Variants in NCAM1 observed in about 807,000 individuals in gnomAD.
NCAM1 encodes the protein antigen recognized by monoclonal antibody 5.1H11.
NCAM1 carries 14 observed loss-of-function variants against 109.8 expected under a neutral mutation model. That is an observed-to-expected ratio of 0.13 (90% CI 0.08 to 0.20). The LOEUF is 0.20. Ranked by LOEUF, NCAM1 falls within the 10% of genes least tolerant of loss-of-function variation. The pLI is 1.00. For missense variants in NCAM1, 774 were observed against 1,109.9 expected (o/e 0.70, Z 4.30); for synonymous variants, 418 against 442.9 (o/e 0.94, Z 0.70).
chr11:113,178,835 A>C (rs1943247676), intron 1 of NCAM1, among the ~76,000 whole-genome samples: 1 of 152,174 alleles, frequency 6.6e-6, no homozygotes, highest in Non-Finnish European at 1.5e-5. Context: ...TTCGAAGGCC[A>C]ACATTCGAAG....
rs147829100 is a variant in NCAM1 at position 113,175,954 on chromosome 11, A to G, written c.53-26425A>G. Among the ~76,000 whole-genome samples the G allele has an allele frequency of 9.8e-4, 150 of 152,334 alleles. 1 individual carries two copies. Among genetic ancestry groups the G allele is most frequent in the African/African-American group, 3.5e-3 (145 of 41,580 alleles). On this transcript the variant is annotated intron_variant, in intron 1 of 19. Coordinates refer to ENST00000316851, the MANE Select transcript of NCAM1 (RefSeq NM_181351.5). ...GGGTGGCAGTTACCCTGATTTGATT[A>G]TGTGAATGTATGAAATCATCGCATG...
chr11:113,109,555 A>G (rs1940345737), intron 1 of NCAM1, among the ~76,000 whole-genome samples: 1 of 152,212 alleles, frequency 6.6e-6, no homozygotes, highest in African/African-American at 2.4e-5. Context: ...TTTTGGACAA[A>G]GTGCTATCTA....
At chr11:113,087,174 G>T (rs1482942839) in intron 1 of NCAM1, among the ~76,000 whole-genome samples, 1 of 152,180 alleles carries the variant, frequency 6.6e-6, no homozygotes, top group Non-Finnish European at 1.5e-5. Flanking sequence ...TAAACTAAAT[G>T]TATAGTTGGT....
Position 113,027,070 on chromosome 11 carries a change from C to T in NCAM1, c.52+65406C>T, listed in dbSNP as rs1242278167. Among the ~76,000 whole-genome samples the T allele has an allele frequency of 3.3e-5, 5 of 152,190 alleles. No individual in the cohort carries two copies. In the South Asian group the frequency reaches 1.0e-3, roughly 32 times the overall value. On this transcript the variant is annotated intron_variant, in intron 1 of 19. Transcript: ENST00000316851. ...CCCTCACTGCTTTTTCCTCCTACAT[C>T]CCAGGACCTGGGATCACCTTGAGAT...
At chr11:113,169,168 T>C (rs191252845) in intron 1 of NCAM1, among the ~76,000 whole-genome samples, 526 of 152,162 alleles carry the variant, frequency 3.5e-3, no homozygotes, top group African/African-American at 0.012. Flanking sequence ...ACCTAGCTGA[T>C]AGCAACCATA....
intron 1 of NCAM1, among the ~76,000 whole-genome samples, chr11:113,119,014 G>A (rs1160462396): frequency 6.6e-6 from 1 of 151,908 alleles, no homozygotes; most frequent in Non-Finnish European, 1.5e-5. Flanking sequence ...AACATTAAAA[G>A]ATTTCTCTTT....
chr11:113,132,112 C>T (rs1024295071), intron 1 of NCAM1, among the ~76,000 whole-genome samples: 6 of 152,180 alleles, frequency 3.9e-5, no homozygotes, highest in Non-Finnish European at 8.8e-5. Flanking sequence ...TTGCAGTCCT[C>T]TGTGTGGACA....
intron 9 of NCAM1, among the ~76,000 whole-genome samples, chr11:113,225,090 T>C (rs1161598016): frequency 6.6e-6 from 1 of 152,190 alleles, no homozygotes; most frequent in African/African-American, 2.4e-5. Flanking sequence ...GGAGAATGAC[T>C]TTGATGAGTT....
intron 9 of NCAM1, among the ~76,000 whole-genome samples, chr11:113,225,329 A>G (rs558877462): frequency 6.6e-6 from 1 of 152,384 alleles, no homozygotes; most frequent in African/African-American, 2.4e-5. Context: ...AAGAAAGGGT[A>G]TCTTGATGGA....
At chr11:112,983,230 G>A (rs1555069046) in intron 1 of NCAM1, among the ~76,000 whole-genome samples, 1 of 151,804 alleles carries the variant, frequency 6.6e-6, no homozygotes, top group Non-Finnish European at 1.5e-5. Flanking sequence ...ATTTCTTGTT[G>A]GGGTTTTTAT....
chr11:113,031,912 A>G (rs1416344815), intron 1 of NCAM1, among the ~76,000 whole-genome samples: 1 of 152,070 alleles, frequency 6.6e-6, no homozygotes, highest in Non-Finnish European at 1.5e-5. Context: ...GAATGACTTT[A>G]TTACTGTATT....
At chr11:113,199,829 T>TGGAAAAAAAAAAAAAAAAAA (rs60389510) in intron 1 of NCAM1, among the ~76,000 whole-genome samples, 1 of 115,766 alleles carries the variant, frequency 8.6e-6, no homozygotes, top group African/African-American at 3.4e-5. Flanking sequence ...GAAACACCCT[T>TGGAAAAAAAAAAAAAAAAAA]AAAAAAAAAA....
intron 1 of NCAM1, among the ~76,000 whole-genome samples, chr11:113,149,590 A>G (rs142585974): frequency 1.3e-5 from 2 of 152,300 alleles, no homozygotes; most frequent in African/African-American, 4.8e-5. Context: ...GATCTCCACA[A>G]TTTCTATTTC....
chr11:113,242,440 T>G (rs1555119299), intron 14 of NCAM1, among the ~76,000 whole-genome samples: 1 of 152,076 alleles, frequency 6.6e-6, no homozygotes, highest in Non-Finnish European at 1.5e-5. Context: ...GGCAACCTTG[T>G]CTCTACTAAA....
At chr11:113,112,466 C>G (rs1001264282) in intron 1 of NCAM1, among the ~76,000 whole-genome samples, 41 of 152,180 alleles carry the variant, frequency 2.7e-4, no homozygotes, top group African/African-American at 9.7e-4. Flanking sequence ...ACTTCCCAGG[C>G]TAATGACAGT....
At chr11:113,257,082 G>C (rs149379972) in intron 16 of NCAM1, among the ~76,000 whole-genome samples, 9 of 152,202 alleles carry the variant, frequency 5.9e-5, no homozygotes, top group Non-Finnish European at 1.3e-4. Flanking sequence ...TTTGTAAGCA[G>C]ATGTGAGCTG....
At chr11:113,013,324 G>A (rs1555074798) in intron 1 of NCAM1, among the ~76,000 whole-genome samples, 1 of 151,302 alleles carries the variant, frequency 6.6e-6, no homozygotes, top group African/African-American at 2.4e-5. Flanking sequence ...TACCCGGGAG[G>A]CTGAGCTGGG....
intron 1 of NCAM1, among the ~76,000 whole-genome samples, chr11:113,172,416 A>G (rs1161421718): frequency 3.3e-5 from 5 of 152,008 alleles, no homozygotes; most frequent in African/African-American, 1.2e-4. Flanking sequence ...ACTGATCCTC[A>G]TTGTGTTCTG....
rs367932259 is a variant in NCAM1, at chr11:113,255,905, G to A, written c.1857G>A (p.Gly619=). 1.8e-5 allele frequency: 29 copies of A among 1,612,312 alleles called. No individual in the cohort carries two copies. The African/African-American group carries it at 3.2e-4, about 18-fold the overall frequency. Residue 619 remains glycine, a synonymous_variant, in exon 16 of 20, where the codon GGG becomes GGA. Coordinates refer to ENST00000316851, the MANE Select transcript of NCAM1 (RefSeq NM_181351.5). ...QGEPSAPKLE[G]QMGEDGNSIK... is the part of the protein sequence containing the mutation. ...AACCCAGTGCACCTAAGCTCGAAGG[G>A]CAGATGGGAGAGGATGGAAACTCTA...
Sources: allele counts gnomAD v4.1 joint callset (sites outside exome capture counted in the v4.1 genomes callset), GRCh38; gene constraint gnomAD v4.1.1; transcripts MANE v1.5; gene names NCBI Gene and HGNC (gene_info 2026-07-23, HGNC 2026-07-21).